Variants in TTC21B observed in about 807,000 individuals in gnomAD.
TTC21B encodes tetratricopeptide repeat domain 21B, also known as tetratricopeptide repeat protein 21B.
A neutral mutation model predicts 175.1 loss-of-function variants in TTC21B; 127 were observed. The observed-to-expected ratio is 0.73, with a 90% CI of 0.63 to 0.84. TTC21B has a LOEUF of 0.84. TTC21B is among the 40% of genes least tolerant of loss of function. TTC21B has a pLI of 0.00. For missense variants in TTC21B, 1,561 were observed against 1,558.3 expected (o/e 1.00, Z -0.03); for synonymous variants, 524 against 524.5 (o/e 1.00, Z 0.01).
At chr2:165,908,913 T>G (rs1191095305) in intron 18 of TTC21B, among the ~76,000 whole-genome samples, 1 of 152,084 alleles carries the variant, frequency 6.6e-6, no homozygotes, top group Non-Finnish European at 1.5e-5. Flanking sequence ...CTACTAACAC[T>G]TCATACAATA....
At chr2:165,892,129 A>G (rs1217531085) in intron 22 of TTC21B, among the ~76,000 whole-genome samples, 1 of 152,076 alleles carries the variant, frequency 6.6e-6, no homozygotes, top group East Asian at 1.9e-4. Context: ...TTATTTCTTT[A>G]TAGTGGTGTC....
Position 165,949,415 on chromosome 2 carries a change from G to A in TTC21B, c.241C>T (p.His81Tyr). 1 of 1,611,966 alleles carries A rather than the reference G, an allele frequency of 6.2e-7. No individual in the cohort carries two copies. The highest frequency in any genetic ancestry group is 8.5e-7 in the Non-Finnish European group (1 of 1,178,206). Reference protein sequence around the residue: ...LCSLLALIYAHKMSPNPDREA... With the variant: ...LCSLLALIYAYKMSPNPDREA... ...ATACCTGGATTAGGACTCATTTTATGGGCATATATCAGTGCAAGTAGAGAA... is the reference window on the plus strand; with the variant it reads ...ATACCTGGATTAGGACTCATTTTATAGGCATATATCAGTGCAAGTAGAGAA... The change falls in exon 3 of 29, where the codon CAT (histidine) becomes TAT (tyrosine). Residue 81 changes from histidine (H) to tyrosine (Y), a missense_variant. By Grantham distance (83) the His-to-Tyr change is moderately conservative. Transcript: ENST00000243344.
chr2:165,931,476 T>G (rs1446955255), intron 8 of TTC21B, among the ~76,000 whole-genome samples: 1 of 152,156 alleles, frequency 6.6e-6, no homozygotes, highest in African/African-American at 2.4e-5. Context: ...TCATAAATCT[T>G]ATGCTCTGAT....
intron 12 of TTC21B, 67 bp from the exon 13 acceptor site, chr2:165,919,500 G>A (rs1189115111): frequency 2.0e-6 from 3 of 1,532,818 alleles, no homozygotes; most frequent in East Asian, 4.6e-5. Context: ...AGAGGGAAGA[G>A]GAAGAAGAGT....
chr2:165,943,999 A>G (rs2105364029), intron 4 of TTC21B, among the ~76,000 whole-genome samples: 1 of 152,262 alleles, frequency 6.6e-6, no homozygotes, highest in Non-Finnish European at 1.5e-5. Flanking sequence ...TGCTTTTTCT[A>G]TTAAAAAAAT....
chr2:165,914,691 G>GTGTGTGTGTGTGTGTGTGTGTGTC lies in TTC21B; in HGVS notation c.2138+509_2138+510insGACACACACACACACACACACACA, dbSNP rs1245233255. 9.3e-4 allele frequency among the ~76,000 whole-genome samples: 138 copies of GTGTGTGTGTGTGTGTGTGTGTGTC among 148,362 alleles called. 4 individuals carry two copies. Among genetic ancestry groups the GTGTGTGTGTGTGTGTGTGTGTGTC allele is most frequent in the African/African-American group, 3.4e-3 (130 of 38,450 alleles). Reference sequence around the variant, plus strand: ...TGTGTGTGTGTGTGTGTGTGTGTGTGTGTGTGTTGTGTATCCCAATAACTC... The same window carrying GTGTGTGTGTGTGTGTGTGTGTGTC: ...TGTGTGTGTGTGTGTGTGTGTGTGTGTGTGTGTGTGTGTGTGTGTGTGTCTGTGTGTTGTGTATCCCAATAACTC... On this transcript the variant is annotated intron_variant, in intron 15 of 28. Transcript: ENST00000243344.
At chr2:165,886,832 G>A (rs191113711) in intron 25 of TTC21B, among the ~76,000 whole-genome samples, 23 of 152,230 alleles carry the variant, frequency 1.5e-4, no homozygotes, top group Middle Eastern at 3.4e-3. Flanking sequence ...CATGAGAAGC[G>A]CTTCCTCATG....
At chr2:165,904,175 C>CT (rs5836065) in intron 19 of TTC21B, among the ~76,000 whole-genome samples, 151,729 of 152,276 alleles carry the variant, frequency 1, 75,594 homozygotes, top group Middle Eastern at 1. Context: ...TTTTAAAAGT[C>CT]ACCTTTACCA....
In TTC21B at chr2:165,929,708, T is replaced by TAC. The variant is rs1686814382; in HGVS notation, c.1126_1127insGT (p.Asp376GlyfsTer7). 2 of 1,612,740 alleles carry TAC rather than the reference T, an allele frequency of 1.2e-6. No homozygotes were observed. Among genetic ancestry groups the TAC allele is most frequent in the Admixed American group, 1.7e-5 (1 of 59,902 alleles). ...TAAAAATTCTAGCTGCTGATCTGCA[T>TAC]CCTGTAATTGCCCTTCTATCAACTG... On this transcript the variant is annotated frameshift_variant, in exon 10 of 29. Transcript: ENST00000243344. LOFTEE classifies it high-confidence loss of function.
chr2:165,903,379 T>C (rs1380351231), intron 19 of TTC21B, among the ~76,000 whole-genome samples: 1 of 152,168 alleles, frequency 6.6e-6, no homozygotes, highest in East Asian at 1.9e-4. Flanking sequence ...AAAAAATGGC[T>C]GGAAAGATAT....
chr2:165,926,649 T>C (rs1273695954), intron 11 of TTC21B, among the ~76,000 whole-genome samples: 1 of 152,090 alleles, frequency 6.6e-6, no homozygotes, highest in Non-Finnish European at 1.5e-5. Flanking sequence ...GTGAGGATGT[T>C]GCCAAAGGAG....
At chr2:165,939,168 GTTC>G (rs1687276187) in intron 6 of TTC21B, among the ~76,000 whole-genome samples, 1 of 152,066 alleles carries the variant, frequency 6.6e-6, no homozygotes, top group Non-Finnish European at 1.5e-5. Context: ...ACCTCATGAT[GTTC>G]TTCTGTCTGC....
intron 1 of TTC21B, among the ~76,000 whole-genome samples, chr2:165,951,317 G>A (rs1436057113): frequency 6.6e-6 from 1 of 152,154 alleles, no homozygotes. Flanking sequence ...CAACGCCTCA[G>A]TCTGCTCATT....
At chr2:165,888,218 A>G in intron 25 of TTC21B, 61 bp downstream of exon 25, 1 of 1,280,656 alleles carries the variant, frequency 7.8e-7, no homozygotes, top group South Asian at 1.2e-5. Context: ...TAATCAAAAT[A>G]TATGTTTCTA....
chr2:165,880,001 G>A (rs1288243540), intron 27 of TTC21B: 1 of 152,782 alleles, frequency 6.5e-6, no homozygotes, highest in African/African-American at 2.4e-5. Context: ...AGTTGCTCCG[G>A]AAAACAGACT....
At chr2:165,922,703 T>C in intron 12 of TTC21B, among the ~76,000 whole-genome samples, 1 of 152,050 alleles carries the variant, frequency 6.6e-6, no homozygotes, top group East Asian at 1.9e-4. Flanking sequence ...AAAGTAGATT[T>C]ACCATTCAAT....
At chr2:165,900,008 C>CAAAA (rs200057550) in intron 20 of TTC21B, 128 bp from the exon 21 acceptor site, 28 of 140,910 alleles carry the variant, frequency 2.0e-4, no homozygotes, top group South Asian at 4.2e-4. Flanking sequence ...GTATAATAGA[C>CAAAA]AAAAAAAAAA....
In TTC21B at chr2:165,953,732, C is replaced by G. The variant is rs1030543528; in HGVS notation, c.-27G>C. The G allele has an allele frequency of 2.6e-6, 4 of 1,548,560 alleles. No homozygotes were observed. The highest frequency in any genetic ancestry group is 2.6e-6 in the Non-Finnish European group (3 of 1,146,408). On this transcript the variant is annotated 5_prime_UTR_variant, in exon 1 of 29. Coordinates refer to ENST00000243344, the MANE Select transcript of TTC21B (RefSeq NM_024753.5). Reference sequence around the variant, plus strand: ...GCTGCCCCGAGGCCGGGCCGCGGGGCTCTGGGGATTGTCTCGCCGCAGCCT... The same window carrying G: ...GCTGCCCCGAGGCCGGGCCGCGGGGGTCTGGGGATTGTCTCGCCGCAGCCT...
intron 27 of TTC21B, 21 bp downstream of exon 27, chr2:165,880,658 C>G: frequency 6.2e-7 from 1 of 1,612,850 alleles, no homozygotes; most frequent in Non-Finnish European, 8.5e-7. Context: ...TGTGAAAAAT[C>G]TAGGTGATTG....
Sources: allele counts gnomAD v4.1 joint callset (sites outside exome capture counted in the v4.1 genomes callset), GRCh38; gene constraint gnomAD v4.1.1; transcripts MANE v1.5; gene names NCBI Gene and HGNC (gene_info 2026-07-23, HGNC 2026-07-21).